The following FMN1 variants were observed in gnomAD, a reference collection of about 807,000 sequenced individuals.
FMN1 encodes the protein formin 1, also known as formin-1.
In FMN1, 110 loss-of-function variants were observed where a neutral mutation model predicts 132.4. The ratio of observed to expected loss-of-function variants is 0.83; its 90% confidence interval spans 0.71 to 0.97. The LOEUF (loss-of-function observed/expected upper bound fraction) is 0.97. Among genes scored for constraint, FMN1 ranks in the 50% least tolerant of loss-of-function variants. FMN1 has a pLI of 0.00. For synonymous variants in FMN1, 722 were observed against 651.7 expected (o/e 1.11, Z -1.64); for missense variants, 1,792 against 1,705.3 (o/e 1.05, Z -0.90).
Position 32,798,847 on chromosome 15 carries a change from TG to T in FMN1, c.4086del (p.Phe1362LeufsTer17). On this transcript the variant is annotated frameshift_variant, in exon 19 of 21. Coordinates refer to ENST00000616417, the MANE Select transcript of FMN1 (RefSeq NM_001277313.2). LOFTEE classifies it high-confidence loss of function. ...TTACTCTCCCGTTTCCAAATTGTCT[TG>T]AAGTCACTGCAGAACTCATACCACA... ...FMVWYEFCSDFKTIWKRESKN... is the reference protein window; with the variant it reads ...FMVWYEFCSDXKTIWKRESKN... 6.2e-7 allele frequency: 1 copy of T among 1,613,802 alleles called. No homozygotes were observed. The highest frequency in any genetic ancestry group is 8.5e-7 in the Non-Finnish European group (1 of 1,179,800).
intron 5 of FMN1, chr15:33,068,077 G>C: frequency 7.2e-7 from 1 of 1,381,676 alleles, no homozygotes; most frequent in South Asian, 1.6e-5. Flanking sequence ...GTGCGATGAT[G>C]TGTTCCAGGG....
chr15:32,870,349 C>T (rs1163126874), intron 16 of FMN1, among the ~76,000 whole-genome samples: 1 of 152,168 alleles, frequency 6.6e-6, no homozygotes, highest in East Asian at 1.9e-4. Context: ...AAAATAAACC[C>T]ACCAGGAAGC....
chr15:33,099,786 A>T (rs1428023122), intron 4 of FMN1, among the ~76,000 whole-genome samples: 1 of 152,182 alleles, frequency 6.6e-6, no homozygotes, highest in African/African-American at 2.4e-5. Context: ...TTTTCTCACT[A>T]AACAAAAAGG....
At chr15:32,895,346 AC>A (rs2141552810) in intron 15 of FMN1, among the ~76,000 whole-genome samples, 1 of 152,088 alleles carries the variant, frequency 6.6e-6, no homozygotes, top group African/African-American at 2.4e-5. Flanking sequence ...AAAAAGGGAA[AC>A]AAAAAGAGGA....
At chr15:33,166,262 G>A (rs1407692157) in intron 3 of FMN1, among the ~76,000 whole-genome samples, 1 of 151,776 alleles carries the variant, frequency 6.6e-6, no homozygotes, top group Admixed American at 6.6e-5. Flanking sequence ...CCAGGTTTCT[G>A]GACTCTCCGT....
intron 9 of FMN1, among the ~76,000 whole-genome samples, chr15:32,938,026 A>G (rs347914): frequency 0.44 from 66,807 of 151,798 alleles, 15,416 homozygotes; most frequent in African/African-American, 0.58. Context: ...AGGAGAATGT[A>G]TTGGAAGTAG....
intron 4 of FMN1, among the ~76,000 whole-genome samples, chr15:33,145,055 G>A (rs549411384): frequency 6.6e-6 from 1 of 152,190 alleles, no homozygotes; most frequent in South Asian, 2.1e-4. Flanking sequence ...GTATTTCACT[G>A]ACTCTACCGA....
At chr15:32,918,617 T>C (rs1198667553) in intron 10 of FMN1, among the ~76,000 whole-genome samples, 1 of 152,206 alleles carries the variant, frequency 6.6e-6, no homozygotes, top group African/African-American at 2.4e-5. Flanking sequence ...AGATTGTCCA[T>C]GGTTCAAACC....
chr15:33,067,503 T>C, intron 5 of FMN1: 1 of 1,614,012 alleles, frequency 6.2e-7, no homozygotes, highest in Non-Finnish European at 8.5e-7. Flanking sequence ...TTTGTCCCTT[T>C]CAAAGTAGAC....
At position 32,962,105 on chromosome 15, in the gene FMN1, TTTATTA is replaced by T. The variant is rs10645453; in HGVS notation, c.3138+1996_3138+2001del. Among the ~76,000 whole-genome samples, 838 of 150,860 alleles carry T rather than the reference TTTATTA, an allele frequency of 5.6e-3. 29 individuals carry two copies. In the East Asian group the frequency reaches 0.1, roughly 18 times the overall value. ...TAATATAAGCTCCACAGGGCAAGGA[TTTATTA>T]TTATTATTATTATTATTATTTTACT... On this transcript the variant is annotated intron_variant, in intron 9 of 20. Coordinates refer to ENST00000616417, the MANE Select transcript of FMN1 (RefSeq NM_001277313.2).
chr15:33,115,682 T>C (rs1595505073), intron 4 of FMN1, among the ~76,000 whole-genome samples: 2 of 152,142 alleles, frequency 1.3e-5, no homozygotes, highest in South Asian at 4.1e-4. Flanking sequence ...TTCTTGCCTG[T>C]TTCCTCTAAA....
chr15:33,176,560 C>CATTTT (rs71117115), intron 3 of FMN1, among the ~76,000 whole-genome samples: 35,762 of 148,848 alleles, frequency 0.24, 4,736 homozygotes, highest in Middle Eastern at 0.33. Flanking sequence ...ACTTGTCAGA[C>CATTTT]ATTTTCCTCC....
intron 16 of FMN1, among the ~76,000 whole-genome samples, chr15:32,886,773 CTG>C (rs770593444): frequency 6.6e-5 from 10 of 152,184 alleles, no homozygotes; most frequent in South Asian, 2.1e-4. Flanking sequence ...TGCTGCCACA[CTG>C]AGGACCAGCC....
chr15:33,148,177 C>T (rs1174735156), intron 4 of FMN1, among the ~76,000 whole-genome samples: 1 of 152,128 alleles, frequency 6.6e-6, no homozygotes, highest in East Asian at 1.9e-4. Flanking sequence ...TCTTCTTTCC[C>T]CTGTTGCTCA....
chr15:32,794,171 TA>T (rs11353364), intron 19 of FMN1, among the ~76,000 whole-genome samples: 141,950 of 152,120 alleles, frequency 0.93, 67,033 homozygotes, highest in Non-Finnish European at 1. Context: ...GGCTGGGTAA[TA>T]AAAAAAACAG....
At chr15:33,068,158 A>C in intron 5 of FMN1, 1 of 503,254 alleles carries the variant, frequency 2.0e-6, no homozygotes, top group South Asian at 4.8e-5. Flanking sequence ...CACACGGACC[A>C]GGGAGGCTGC....
chr15:32,787,118 T>G (rs1439567440), intron 19 of FMN1, among the ~76,000 whole-genome samples: 1 of 152,062 alleles, frequency 6.6e-6, no homozygotes, highest in Non-Finnish European at 1.5e-5. Context: ...TAAAAGTCAA[T>G]GAAATAAGTA....
At chr15:33,143,439 T>C (rs1332757864) in intron 4 of FMN1, among the ~76,000 whole-genome samples, 1 of 152,240 alleles carries the variant, frequency 6.6e-6, no homozygotes, top group Non-Finnish European at 1.5e-5. Context: ...TATATGTCAT[T>C]GGTCAGTTTC....
chr15:33,162,524 C>T (rs963034082), intron 3 of FMN1, among the ~76,000 whole-genome samples: 3 of 151,866 alleles, frequency 2.0e-5, no homozygotes, highest in African/African-American at 7.3e-5. Flanking sequence ...AAATATGGGC[C>T]TTGGACAGGT....
Sources: allele counts gnomAD v4.1 joint callset (sites outside exome capture counted in the v4.1 genomes callset), GRCh38; gene constraint gnomAD v4.1.1; transcripts MANE v1.5; gene names NCBI Gene and HGNC (gene_info 2026-07-23, HGNC 2026-07-21).